The following RYR1 variants were observed in gnomAD, a reference collection of about 807,000 sequenced individuals.
RYR1 encodes ryanodine receptor 1, also known as central core disease of muscle.
In RYR1, 342 loss-of-function variants were observed where a neutral mutation model predicts 583.5. The ratio of observed to expected loss-of-function variants is 0.59; its 90% CI spans 0.54 to 0.64. The LOEUF (loss-of-function observed/expected upper bound fraction) is 0.64. RYR1 is among the 30% of genes least tolerant of loss of function. The pLI, the probability that RYR1 is intolerant of heterozygous loss-of-function variation, is 0.00. For missense variants in RYR1, 6,032 were observed against 6,917.2 expected (o/e 0.87, Z 4.54); for synonymous variants, 2,791 against 2,822.5 (o/e 0.99, Z 0.35).
chr19:38,433,782 C>T lies in RYR1; in HGVS notation c.-48C>T, dbSNP rs1568425920. 1 of 1,312,218 alleles carries T rather than the reference C, an allele frequency of 7.6e-7. No individual in the cohort carries two copies. Among genetic ancestry groups the T allele is most frequent in the South Asian group, 1.2e-5 (1 of 85,088 alleles). The allele number at this position is 1,312,218 out of a possible 1,614,324, so 81.3% of individuals were successfully genotyped here. ...GCCCTCCCGCCCAGCCCGCAGCCCC[C>T]TCCCTCTGTTCCCCGACCTCAGACC... On this transcript the variant is annotated 5_prime_UTR_variant, in exon 1 of 106. Coordinates refer to ENST00000359596, the MANE Select transcript of RYR1 (RefSeq NM_000540.3).
chr19:38,506,686 G>T, intron 56 of RYR1, 140 bp downstream of exon 56: 1 of 1,485,896 alleles, frequency 6.7e-7, no homozygotes, highest in Non-Finnish European at 9.2e-7. Context: ...GGGGTAATGA[G>T]ATGAGCACCA....
At chr19:38,548,727 G>A (rs1008830412) in intron 89 of RYR1, among the ~76,000 whole-genome samples, 2 of 152,118 alleles carry the variant, frequency 1.3e-5, no homozygotes, top group Non-Finnish European at 2.9e-5. Flanking sequence ...ACGGGTGTGT[G>A]ACATCATGCC....
Position 38,565,016 on chromosome 19 carries a change from G to A in RYR1, c.12682G>A (p.Glu4228Lys). The change falls in exon 91 of 106, where the codon GAG (glutamate) becomes AAG (lysine). Residue 4228 changes from glutamate to lysine, a missense_variant. Physicochemically the swap from Glu to Lys is moderately conservative, Grantham distance 56. This residue lies in a region of RYR1 where 753 missense variants were observed against 759.6 expected (regional missense o/e 0.99). Transcript: ENST00000359596. This position sits in a 1 kb window ranked among gnomAD's most constrained non-coding sequence, Gnocchi z 4.7. ...CGTGGTGAACGAGGGCGGCGAGGCT[G>A]AGAAGATGGAGCTCTTCGTGAGTTT... is the stretch of plus-strand genomic sequence containing the variant. The part of the protein sequence containing the change: ...FDVVNEGGEA[E>K]KMELFVSFCE... 3.1e-6 allele frequency: 5 copies of A among 1,590,972 alleles called. No homozygotes were observed. Among genetic ancestry groups the A allele is most frequent in the Non-Finnish European group, 4.3e-6 (5 of 1,169,508 alleles).
In RYR1 at chr19:38,565,005, G is replaced by A; in HGVS notation, c.12671G>A (p.Gly4224Asp). The stretch of plus-strand genomic sequence containing the variant: ...TTCATCTTCGACGTGGTGAACGAGG[G>A]CGGCGAGGCTGAGAAGATGGAGCTC... ...RQFIFDVVNE[G>D]GEAEKMELFV... The change falls in exon 91 of 106, where the codon GGC becomes GAC. Residue 4224 changes from glycine (G) to aspartate (D), a missense_variant. Physicochemically the swap from Gly to Asp is moderately conservative, Grantham distance 94. Around this residue, in one of 11 missense-constraint regions of RYR1, gnomAD observed 753 missense variants for 759.6 expected, o/e 0.99. Coordinates refer to ENST00000359596, the MANE Select transcript of RYR1 (RefSeq NM_000540.3). The surrounding 1 kb of genome is among the most constrained non-coding windows in gnomAD (Gnocchi z 4.7). The A allele has an allele frequency of 6.3e-7, 1 of 1,593,302 alleles. No homozygotes were observed. The highest frequency in any genetic ancestry group is 2.3e-5 in the East Asian group (1 of 44,112).
chr19:38,484,809 T>C (rs73030953), intron 33 of RYR1, among the ~76,000 whole-genome samples: 12,308 of 152,022 alleles, frequency 0.081, 1,181 homozygotes, highest in African/African-American at 0.23. Context: ...CTCCACATTT[T>C]TTTTTTCTTT....
Position 38,525,378 on chromosome 19 carries a change from ACCGGTAC to A in RYR1, c.10503_10509del (p.Arg3502LeufsTer6). 1 of 1,613,550 alleles carries A rather than the reference ACCGGTAC, an allele frequency of 6.2e-7. No homozygotes were observed. The highest frequency in any genetic ancestry group is 8.5e-7 in the Non-Finnish European group (1 of 1,179,886). ...CGCACCAAGAAGAAGCGCCGGGGGG[ACCGGTAC>A]TCTGTGCAGACGTCACTGATCGTGG... On this transcript the variant is annotated frameshift_variant, in exon 71 of 106. Coordinates refer to ENST00000359596, the MANE Select transcript of RYR1 (RefSeq NM_000540.3). LOFTEE classifies it high-confidence loss of function.
rs1383242403 is a variant in RYR1 at position 38,570,596 on chromosome 19, TTCTC to T, written c.13660-6_13660-3del. ...TGTGAGCGCTTTCTCTCTTTTTCTC[TTCTC>T]TCTCAGAACTACCTGTCCCGGAACT... On this transcript the variant is annotated splice_polypyrimidine_tract_variant and splice_region_variant and intron_variant, in intron 93 of 105. Coordinates refer to ENST00000359596, the MANE Select transcript of RYR1 (RefSeq NM_000540.3). 4 of 1,609,828 alleles carry T rather than the reference TTCTC, an allele frequency of 2.5e-6. No individual in the cohort carries two copies. Among genetic ancestry groups the T allele is most frequent in the South Asian group, 1.1e-5 (1 of 90,996 alleles).
In RYR1 at chr19:38,496,673, G is replaced by C. The variant is rs78549624; in HGVS notation, c.6796+132G>C. Reference sequence around the variant, plus strand: ...TCAACTGTGGTTCTGGCCCTGTAATGAGTAATGCTGGGGACACAATAGTGA... The same window carrying C: ...TCAACTGTGGTTCTGGCCCTGTAATCAGTAATGCTGGGGACACAATAGTGA... On this transcript the variant is annotated intron_variant, in intron 41 of 105. Coordinates refer to ENST00000359596, the MANE Select transcript of RYR1 (RefSeq NM_000540.3). The surrounding 1 kb of genome is among the most constrained non-coding windows in gnomAD (Gnocchi z 4.8). The C allele has an allele frequency of 3.3e-3, 4,228 of 1,262,668 alleles. 28 individuals carry two copies. The highest frequency in any genetic ancestry group is 0.015 in the African/African-American group (1,014 of 67,818). The allele number at this position is 1,262,668 out of a possible 1,614,324, so 78.2% of individuals were successfully genotyped here.
intron 76 of RYR1, among the ~76,000 whole-genome samples, chr19:38,529,624 G>C (rs1271029291): frequency 6.6e-6 from 1 of 152,172 alleles, no homozygotes; most frequent in Non-Finnish European, 1.5e-5. Flanking sequence ...TTTTCTAGAA[G>C]AAAGTGTCTT....
intron 101 of RYR1, among the ~76,000 whole-genome samples, chr19:38,583,707 G>A (rs1227590268): frequency 6.6e-6 from 1 of 151,948 alleles, no homozygotes; most frequent in Non-Finnish European, 1.5e-5. Flanking sequence ...GTTCCCCTAG[G>A]ACTGTGTGTT....
chr19:38,512,545 G>A lies in RYR1; in HGVS notation c.9472+62G>A, dbSNP rs1159321856. On this transcript the variant is annotated intron_variant, in intron 63 of 105. Coordinates refer to ENST00000359596, the MANE Select transcript of RYR1 (RefSeq NM_000540.3). This position sits in a 1 kb window ranked among gnomAD's most constrained non-coding sequence, Gnocchi z 5.1. ...TCAGTGTGGCCAACACCACCCATCCGGGTGCCTGTGAGAGTCCCTGGGTGT... is the reference window on the plus strand; with the variant it reads ...TCAGTGTGGCCAACACCACCCATCCAGGTGCCTGTGAGAGTCCCTGGGTGT... 4 of 1,484,804 alleles carry A rather than the reference G, an allele frequency of 2.7e-6. No individual in the cohort carries two copies. The highest frequency in any genetic ancestry group is 1.4e-5 in the African/African-American group (1 of 72,478). The allele number at this position is 1,484,804 out of a possible 1,614,324, so 92.0% of individuals were successfully genotyped here. A position where few individuals can be genotyped will look rare whatever the true frequency, so the allele number is the denominator to read the frequency against.
At chr19:38,549,513 G>A (rs550862153) in intron 89 of RYR1, among the ~76,000 whole-genome samples, 94 of 152,168 alleles carry the variant, frequency 6.2e-4, no homozygotes, top group Non-Finnish European at 1.1e-3. Flanking sequence ...CTCAAGAGAT[G>A]TTAGCTGCTA....
chr19:38,536,864 G>C, intron 83 of RYR1, 97 bp downstream of exon 83: 1 of 1,304,932 alleles, frequency 7.7e-7, no homozygotes, highest in Non-Finnish European at 1.1e-6. Flanking sequence ...CTGGGACGTG[G>C]AGGGGAGGGA....
chr19:38,469,973 G>T (rs1282249900), intron 27 of RYR1, among the ~76,000 whole-genome samples: 2 of 152,090 alleles, frequency 1.3e-5, no homozygotes, highest in East Asian at 3.9e-4. Flanking sequence ...AGGAGGTTGA[G>T]ACTGGAGGAT....
chr19:38,492,512 G>A lies in RYR1; in HGVS notation c.6150G>A (p.Glu2050=), dbSNP rs727504131. ...CAGGAATTCAGCTAGATGGAGAGGA[G>A]GAGGAACCAGAGGAAGAGACCACCC... is the stretch of plus-strand genomic sequence containing the variant. ...AHCGIQLDGE[E]EEPEEETTLG... Residue 2050 remains glutamate (E), a synonymous_variant, in exon 38 of 106, where the codon GAG becomes GAA. Coordinates refer to ENST00000359596, the MANE Select transcript of RYR1 (RefSeq NM_000540.3). 5.6e-6 allele frequency: 9 copies of A among 1,614,152 alleles called. No homozygotes were observed. The Admixed American group carries it at 1.3e-4, about 24-fold the overall frequency.
intron 38 of RYR1, 82 bp downstream of exon 38, chr19:38,492,718 G>A (rs1969611753): frequency 1.4e-6 from 2 of 1,439,680 alleles, no homozygotes; most frequent in Admixed American, 2.0e-5. Context: ...CCCAAAGAGG[G>A]CATGAGGACA....
chr19:38,519,785 T>C (rs1971142225), intron 67 of RYR1, among the ~76,000 whole-genome samples: 1 of 151,790 alleles, frequency 6.6e-6, no homozygotes, highest in East Asian at 1.9e-4. Flanking sequence ...TTCAAGTGAT[T>C]CTCCTGCCTC....
rs140472790 is a variant in RYR1, at chr19:38,467,521, C to A, written c.3179-89C>A. 81 of 1,363,466 alleles carry A rather than the reference C, an allele frequency of 5.9e-5. No individual in the cohort carries two copies. The African/African-American group carries it at 1.1e-3, about 19-fold the overall frequency. 84.5% of individuals were successfully genotyped at this position (1,363,466 alleles called of 1,614,324 possible). A position where few individuals can be genotyped will look rare whatever the true frequency, so the allele number is the denominator to read the frequency against. On this transcript the variant is annotated intron_variant, in intron 24 of 105. Transcript: ENST00000359596. ...AACAGTTCCCCAAAGCCCTTACTGTCCCCCAAAGCCTGTCTTCTACCAACT... is the reference window on the plus strand; with the variant it reads ...AACAGTTCCCCAAAGCCCTTACTGTACCCCAAAGCCTGTCTTCTACCAACT...
intron 89 of RYR1, among the ~76,000 whole-genome samples, chr19:38,556,461 A>T (rs944335233): frequency 6.6e-6 from 1 of 151,698 alleles, no homozygotes; most frequent in Admixed American, 6.6e-5. Context: ...CAACCTGGGC[A>T]ACTGAGCAAG....
Sources: gnomAD v4.1 joint callset for allele counts (sites outside exome capture counted in the v4.1 genomes callset) on GRCh38, gnomAD v4.1.1 for gene constraint, gnomAD v4.1.1 regional missense constraint, Gnocchi (gnomAD v3.1) non-coding constraint, MANE v1.5 for transcripts, NCBI Gene and HGNC (gene_info 2026-07-23, HGNC 2026-07-21) for gene names.